Variants in DLG5 observed in about 807,000 individuals in gnomAD.
The protein encoded by DLG5 is discs large MAGUK scaffold protein 5.
DLG5 carries 48 observed loss-of-function variants against 189.8 expected under a neutral mutation model. The ratio of observed to expected loss-of-function variants is 0.25; its 90% CI spans 0.20 to 0.32. DLG5 has a LOEUF of 0.32. DLG5 is among the 10% of genes least tolerant of loss of function. DLG5 has a pLI of 1.00. For synonymous variants in DLG5, 1,016 were observed against 1,054.1 expected, an observed-to-expected ratio of 0.96 and a Z score of 0.70; for missense variants, 2,160 against 2,544.7, an observed-to-expected ratio of 0.85 and a Z score of 3.25.
intron 15 of DLG5, chr10:77,820,353 A>AG (rs1253312707): frequency 1.1e-5 from 2 of 183,940 alleles, no homozygotes; most frequent in African/African-American, 4.8e-5. Flanking sequence ...CTTAGGGGAA[A>AG]AAAAAAAAAA....
chr10:77,900,485 G>GC (rs1845891632), intron 1 of DLG5, among the ~76,000 whole-genome samples: 1 of 152,122 alleles, frequency 6.6e-6, no homozygotes, highest in Admixed American at 6.6e-5. Flanking sequence ...TCACCCCGGG[G>GC]CCCCCTTCCA....
At chr10:77,925,506 G>A (rs1385757089) in intron 1 of DLG5, among the ~76,000 whole-genome samples, 3 of 152,132 alleles carry the variant, frequency 2.0e-5, no homozygotes, top group African/African-American at 7.2e-5. Context: ...AAAGACACAG[G>A]GGTTCCAAAA....
chr10:77,884,069 A>T (rs1054619448), intron 1 of DLG5, among the ~76,000 whole-genome samples: 1 of 152,184 alleles, frequency 6.6e-6, no homozygotes, highest in Non-Finnish European at 1.5e-5. Flanking sequence ...AGACAGGAGG[A>T]AAAAATGAGT....
chr10:77,806,987 G>C, intron 25 of DLG5, 59 bp from the exon 26 acceptor site: 1 of 1,571,750 alleles, frequency 6.4e-7, no homozygotes, highest in Non-Finnish European at 8.7e-7. Context: ...GGACGAACCA[G>C]GTGCCTTCTG....
chr10:77,864,445 C>T (rs987268609), intron 2 of DLG5, among the ~76,000 whole-genome samples: 4 of 152,192 alleles, frequency 2.6e-5, no homozygotes, highest in African/African-American at 7.2e-5. Flanking sequence ...CAGAGCACCA[C>T]GTCATCCTCA....
chr10:77,805,966 C>T lies in DLG5; in HGVS notation c.4968-105G>A, dbSNP rs563053873. On this transcript the variant is annotated intron_variant, in intron 26 of 31. Transcript: ENST00000372391. ...GCAAAGGTGGGCCAGACACTGGGCT[C>T]CCCCCACACTCCTTGGCAGGTCTCA... The T allele has an allele frequency of 4.3e-4, 479 of 1,107,314 alleles. 7 individuals are homozygous for T. The South Asian group carries it at 6.8e-3, about 16-fold the overall frequency. 68.6% of individuals were successfully genotyped at this position (1,107,314 alleles called of 1,614,324 possible).
chr10:77,885,923 A>T (rs1845423403), intron 1 of DLG5, among the ~76,000 whole-genome samples: 1 of 152,162 alleles, frequency 6.6e-6, no homozygotes, highest in Admixed American at 6.5e-5. Context: ...AAGGGGATGA[A>T]GGAAGTGCCC....
chr10:77,815,307 G>A (rs1049582808), intron 20 of DLG5, among the ~76,000 whole-genome samples: 17 of 152,180 alleles, frequency 1.1e-4, no homozygotes, highest in African/African-American at 2.4e-4. Flanking sequence ...CTGTCCTTCC[G>A]TTACCCCTCA....
At position 77,815,426 on chromosome 10, in the gene DLG5, G is replaced by A. The variant is rs572110708; in HGVS notation, c.4025+1125C>T. Among the ~76,000 whole-genome samples, 24 of 152,278 alleles carry A rather than the reference G, an allele frequency of 1.6e-4. No homozygotes were observed. In the East Asian group the frequency reaches 4.2e-3, roughly 27 times the overall value. On this transcript the variant is annotated intron_variant, in intron 20 of 31. Transcript: ENST00000372391. Reference sequence around the variant, plus strand: ...TGTAATCCCAACACTGTGGGAGGCCGAGGCGGGTGGATCACCTGAGGTCAG... The same window carrying A: ...TGTAATCCCAACACTGTGGGAGGCCAAGGCGGGTGGATCACCTGAGGTCAG...
At chr10:77,892,234 A>T (rs1845632033) in intron 1 of DLG5, among the ~76,000 whole-genome samples, 1 of 152,154 alleles carries the variant, frequency 6.6e-6, no homozygotes, top group Non-Finnish European at 1.5e-5. Flanking sequence ...CTACCTCGTG[A>T]CCCATAAGCA....
intron 1 of DLG5, among the ~76,000 whole-genome samples, chr10:77,874,412 T>C (rs1042938172): frequency 3.9e-5 from 6 of 152,290 alleles, no homozygotes; most frequent in East Asian, 3.9e-4. Context: ...AGGTTGAGTA[T>C]CCCTAATCCA....
At chr10:77,850,516 A>G (rs1248683) in intron 5 of DLG5, among the ~76,000 whole-genome samples, 38,692 of 152,038 alleles carry the variant, frequency 0.25, 5,492 homozygotes, top group Admixed American at 0.39. Flanking sequence ...TTCTGTGTGG[A>G]CGTATATTTT....
chr10:77,808,617 C>A (rs1841595579), intron 24 of DLG5, among the ~76,000 whole-genome samples: 1 of 152,084 alleles, frequency 6.6e-6, no homozygotes, highest in African/African-American at 2.4e-5. Flanking sequence ...GGCAGGAGAC[C>A]ACAGAGAAAG....
At chr10:77,857,864 G>A (rs974900099) in intron 2 of DLG5, among the ~76,000 whole-genome samples, 3 of 152,212 alleles carry the variant, frequency 2.0e-5, no homozygotes, top group Admixed American at 6.5e-5. Flanking sequence ...AGGCTGACTC[G>A]TGTCAGGGGA....
At chr10:77,811,280 C>T in intron 22 of DLG5, 46 bp from the exon 23 acceptor site, 2 of 1,582,140 alleles carry the variant, frequency 1.3e-6, no homozygotes, top group Non-Finnish European at 1.7e-6. Flanking sequence ...CGAAGCCACC[C>T]AGAGCCACCC....
Position 77,821,063 on chromosome 10 carries a change from C to T in DLG5, c.3402+19G>A, listed in dbSNP as rs1405027038. The stretch of plus-strand genomic sequence containing the variant: ...CCTCTCTAGGCCTCCCCTCCCCACA[C>T]CCTGGGGCTCAGCTATACCTCCAGG... On this transcript the variant is annotated intron_variant, in intron 15 of 31. Coordinates refer to ENST00000372391, the MANE Select transcript of DLG5 (RefSeq NM_004747.4). 1 of 1,586,860 alleles carries T rather than the reference C, an allele frequency of 6.3e-7. No homozygotes were observed. Among genetic ancestry groups the T allele is most frequent in the Non-Finnish European group, 8.6e-7 (1 of 1,165,870 alleles).
chr10:77,807,006 C>A, intron 25 of DLG5, 78 bp from the exon 26 acceptor site: 1 of 1,515,344 alleles, frequency 6.6e-7, no homozygotes, highest in Non-Finnish European at 9.0e-7. Flanking sequence ...TGTGGCCAGG[C>A]CCCTAAGGCT....
At chr10:77,812,155 G>T (rs866733200) in intron 21 of DLG5, 60 bp downstream of exon 21, 1 of 1,597,158 alleles carries the variant, frequency 6.3e-7, no homozygotes, top group African/African-American at 1.3e-5. Context: ...CTAGGAGGAG[G>T]AGAGGGGGAA....
intron 1 of DLG5, among the ~76,000 whole-genome samples, chr10:77,887,714 C>T (rs1255273440): frequency 6.6e-6 from 1 of 152,150 alleles, no homozygotes; most frequent in Non-Finnish European, 1.5e-5. Flanking sequence ...ATTCATGGGG[C>T]AGAAGTAAGG....
Sources: gnomAD v4.1 joint callset for allele counts (sites outside exome capture counted in the v4.1 genomes callset) on GRCh38, gnomAD v4.1.1 for gene constraint, MANE v1.5 for transcripts, NCBI Gene and HGNC (gene_info 2026-07-23, HGNC 2026-07-21) for gene names.